The following CYTH1 variants were observed in gnomAD, a reference collection of about 807,000 sequenced individuals.
CYTH1 encodes cytohesin-1.
Under a neutral mutation model 61.8 loss-of-function variants are expected in CYTH1, and 18 were observed. The observed-to-expected ratio is 0.29, with a 90% CI of 0.20 to 0.43. The LOEUF (loss-of-function observed/expected upper bound fraction) is 0.43. Among genes scored for constraint, CYTH1 ranks in the 20% least tolerant of loss-of-function variants. The pLI is 1.00. For synonymous variants in CYTH1, 174 were observed against 184.3 expected, an observed-to-expected ratio of 0.94 and a Z score of 0.45; for missense variants, 336 against 510.5, an observed-to-expected ratio of 0.66 and a Z score of 3.29.
At chr17:78,688,542 C>T (rs537192893) in intron 11 of CYTH1, among the ~76,000 whole-genome samples, 20 of 152,306 alleles carry the variant, frequency 1.3e-4, no homozygotes, top group Non-Finnish European at 2.5e-4. Context: ...CTCCTAAAAG[C>T]GCATGACAAA....
intron 1 of CYTH1, among the ~76,000 whole-genome samples, chr17:78,735,444 G>A (rs1886805726): frequency 6.6e-6 from 1 of 152,224 alleles, no homozygotes; most frequent in Non-Finnish European, 1.5e-5. Context: ...ATCTTGGCTA[G>A]TGTGGACTCA....
intron 1 of CYTH1, among the ~76,000 whole-genome samples, chr17:78,712,159 AGG>A: frequency 4.7e-5 from 1 of 21,166 alleles, no homozygotes; most frequent in Non-Finnish European, 8.3e-5. Flanking sequence ...GAAGGAAGGG[AGG>A]GAGGGAGGGA....
chr17:78,775,574 T>C (rs2093487733), intron 1 of CYTH1, among the ~76,000 whole-genome samples: 2 of 152,212 alleles, frequency 1.3e-5, no homozygotes, highest in Non-Finnish European at 2.9e-5. Context: ...AGATAATGAA[T>C]TAGTTCTACC....
intron 1 of CYTH1, among the ~76,000 whole-genome samples, chr17:78,749,729 G>A (rs777419157): frequency 5.3e-5 from 8 of 152,076 alleles, no homozygotes; most frequent in Non-Finnish European, 8.8e-5. Flanking sequence ...TTAGAAGGCA[G>A]GTGGTTTCAG....
At chr17:78,688,964 C>A (rs2092847382) in intron 11 of CYTH1, among the ~76,000 whole-genome samples, 1 of 152,164 alleles carries the variant, frequency 6.6e-6, no homozygotes, top group Admixed American at 6.5e-5. Context: ...GTCTCTCCCC[C>A]TTTTCAAAGA....
chr17:78,701,651 C>T lies in CYTH1; in HGVS notation c.437+20G>A, dbSNP rs1476204408. 18 of 1,613,122 alleles carry T rather than the reference C, an allele frequency of 1.1e-5. No homozygotes were observed. The highest frequency in any genetic ancestry group is 1.4e-5 in the Non-Finnish European group (17 of 1,179,186). ...TAGCCTCCCACTCCTTCCAAAGGGG[C>T]TCACCTCAAGAATACTCACCGTAGT... is the stretch of plus-strand genomic sequence containing the variant. On this transcript the variant is annotated intron_variant, in intron 6 of 13. Coordinates refer to ENST00000446868, the MANE Select transcript of CYTH1 (RefSeq NM_004762.6).
intron 1 of CYTH1, among the ~76,000 whole-genome samples, chr17:78,753,070 A>G (rs1227541790): frequency 2.0e-5 from 3 of 152,158 alleles, no homozygotes; most frequent in Non-Finnish European, 4.4e-5. Context: ...GAGTGAGTGT[A>G]GGGCAGGGTG....
At chr17:78,750,208 A>G (rs1008949420) in intron 1 of CYTH1, among the ~76,000 whole-genome samples, 1 of 152,266 alleles carries the variant, frequency 6.6e-6, no homozygotes, top group African/African-American at 2.4e-5. Context: ...TTTTGGAAGT[A>G]GAATAAACCA....
intron 1 of CYTH1, chr17:78,723,869 G>T (rs1416016743): frequency 3.3e-5 from 5 of 152,352 alleles, no homozygotes; most frequent in Admixed American, 3.3e-4. Context: ...CCCGCATCAG[G>T]TCAGCAGGCA....
At chr17:78,693,483 G>A (rs960737308) in intron 10 of CYTH1, among the ~76,000 whole-genome samples, 3 of 151,944 alleles carry the variant, frequency 2.0e-5, no homozygotes, top group African/African-American at 7.3e-5. Flanking sequence ...TTAGCCAGGG[G>A]TGGTGGCACA....
At position 78,692,402 on chromosome 17, in the gene CYTH1, C is replaced by A. The variant is rs1344684508; in HGVS notation, c.891+15G>T. ...TGCCCATCCCTAGTCTGGAGGCCGA[C>A]TAGCAGGTGCTCACCGTGGTATACT... is the stretch of plus-strand genomic sequence containing the variant. On this transcript the variant is annotated intron_variant, in intron 11 of 13. Coordinates refer to ENST00000446868, the MANE Select transcript of CYTH1 (RefSeq NM_004762.6). The A allele has an allele frequency of 1.1e-5, 18 of 1,614,092 alleles. No individual in the cohort carries two copies. The highest frequency in any genetic ancestry group is 1.5e-5 in the Non-Finnish European group (18 of 1,179,956).
chr17:78,732,089 C>G (rs2093297960), intron 1 of CYTH1, among the ~76,000 whole-genome samples: 1 of 152,196 alleles, frequency 6.6e-6, no homozygotes, highest in Non-Finnish European at 1.5e-5. Flanking sequence ...TCCAACTCTA[C>G]CTCCTATCTG....
chr17:78,683,085 A>G (rs985438795), intron 11 of CYTH1, among the ~76,000 whole-genome samples: 6 of 152,098 alleles, frequency 3.9e-5, no homozygotes, highest in Non-Finnish European at 8.8e-5. Flanking sequence ...TTTTCTTCCA[A>G]CTTTTCCATT....
intron 11 of CYTH1, among the ~76,000 whole-genome samples, chr17:78,682,008 C>G (rs901274814): frequency 2.6e-5 from 4 of 152,080 alleles, no homozygotes; most frequent in Non-Finnish European, 5.9e-5. Context: ...TTAGAACTGC[C>G]TTTTGACTGC....
chr17:78,723,910 G>C (rs967098581), intron 1 of CYTH1: 3 of 152,248 alleles, frequency 2.0e-5, no homozygotes, highest in Non-Finnish European at 4.4e-5. Flanking sequence ...CTCCAACACC[G>C]TCCTGGAGGG....
intron 4 of CYTH1, 40 bp from the exon 5 acceptor site, chr17:78,702,280 G>T: frequency 1.3e-6 from 2 of 1,525,862 alleles, no homozygotes; most frequent in Non-Finnish European, 1.8e-6. Flanking sequence ...TGCTTTGCTG[G>T]GAAACAGTTG....
At chr17:78,729,133 G>A (rs1236400011) in intron 1 of CYTH1, among the ~76,000 whole-genome samples, 1 of 152,046 alleles carries the variant, frequency 6.6e-6, no homozygotes, top group Non-Finnish European at 1.5e-5. Flanking sequence ...TTTAGAGAGA[G>A]GGTCTCACTC....
intron 1 of CYTH1, among the ~76,000 whole-genome samples, chr17:78,772,457 TTTGA>T (rs1471434089): frequency 2.6e-5 from 4 of 152,234 alleles, no homozygotes; most frequent in African/African-American, 9.6e-5. Flanking sequence ...CATAATCTCT[TTTGA>T]TTAACACATG....
chr17:78,773,601 C>T (rs2093480049), intron 1 of CYTH1, among the ~76,000 whole-genome samples: 1 of 150,838 alleles, frequency 6.6e-6, no homozygotes, highest in South Asian at 2.1e-4. Context: ...TGCACTGCAG[C>T]CTGGGCGACA....
Sources: allele counts gnomAD v4.1 joint callset (sites outside exome capture counted in the v4.1 genomes callset), GRCh38; gene constraint gnomAD v4.1.1; transcripts MANE v1.5; gene names NCBI Gene and HGNC (gene_info 2026-07-23, HGNC 2026-07-21).